Variants in LVRN observed in about 807,000 individuals in gnomAD.
LVRN encodes the protein laeverin.
Under a neutral mutation model 111.4 loss-of-function variants are expected in LVRN, and 99 were observed. The observed-to-expected ratio is 0.89, with a 90% CI of 0.76 to 1.05. The LOEUF is 1.05. Among genes scored for constraint, LVRN ranks in the 50% least tolerant of loss-of-function variants. The probability of loss-of-function intolerance (pLI) is 0.00; values close to 1 mark genes in which losing one functional copy is unlikely to be tolerated. For synonymous variants in LVRN, 488 were observed against 449.5 expected, an observed-to-expected ratio of 1.09 and a Z score of -1.08; for missense variants, 1,414 against 1,206.8, an observed-to-expected ratio of 1.17 and a Z score of -2.54.
chr5:115,983,892 G>A (rs1747779352), intron 2 of LVRN, among the ~76,000 whole-genome samples: 1 of 152,178 alleles, frequency 6.6e-6, no homozygotes, highest in Non-Finnish European at 1.5e-5. Flanking sequence ...TTACGTGGCA[G>A]TGATCAGTGA....
At chr5:115,984,019 G>T (rs1379355590) in intron 2 of LVRN, among the ~76,000 whole-genome samples, 1 of 152,158 alleles carries the variant, frequency 6.6e-6, no homozygotes, top group Non-Finnish European at 1.5e-5. Flanking sequence ...CCAGCAGGAG[G>T]TTGGCTGCCT....
intron 18 of LVRN, chr5:116,021,580 T>C (rs745539346): frequency 3.2e-6 from 1 of 311,276 alleles, no homozygotes; most frequent in Non-Finnish European, 6.2e-6. Context: ...GAGTTAACTC[T>C]TATCATTTTT....
Position 116,022,387 on chromosome 5 carries a change from G to A in LVRN, c.2757-4G>A. The A allele has an allele frequency of 1.3e-6, 2 of 1,571,530 alleles. No individual in the cohort carries two copies. Among genetic ancestry groups the A allele is most frequent in the Non-Finnish European group, 8.7e-7 (1 of 1,147,536 alleles). Reference sequence around the variant, plus strand: ...CCCTTGATTAACATCTTATTGCCTTGTAGGTATGGAACACAATCATTGATT... The same window carrying A: ...CCCTTGATTAACATCTTATTGCCTTATAGGTATGGAACACAATCATTGATT... On this transcript the variant is annotated splice_region_variant and splice_polypyrimidine_tract_variant and intron_variant, in intron 18 of 19. Transcript: ENST00000357872.
chr5:116,009,191 G>C (rs1748437700), intron 13 of LVRN, among the ~76,000 whole-genome samples: 1 of 152,086 alleles, frequency 6.6e-6, no homozygotes, highest in Non-Finnish European at 1.5e-5. Context: ...AACAAAGCCT[G>C]GATGACAGCA....
chr5:115,975,019 G>C, intron 1 of LVRN: 3 of 345,076 alleles, frequency 8.7e-6, no homozygotes, highest in South Asian at 7.6e-5. Context: ...GAAAACTTTG[G>C]ATATAAATTC....
At chr5:116,015,015 A>G (rs1464998355) in intron 16 of LVRN, among the ~76,000 whole-genome samples, 1 of 152,104 alleles carries the variant, frequency 6.6e-6, no homozygotes, top group Non-Finnish European at 1.5e-5. Flanking sequence ...TATTATCAAT[A>G]TACTCTATAC....
At chr5:115,972,384 A>C (rs1753346260) in intron 1 of LVRN, among the ~76,000 whole-genome samples, 1 of 151,402 alleles carries the variant, frequency 6.6e-6, no homozygotes, top group African/African-American at 2.4e-5. Context: ...ATTTTTAGAA[A>C]TTCCAATTTC....
chr5:115,977,043 A>G (rs1753463721), intron 1 of LVRN, among the ~76,000 whole-genome samples: 1 of 151,970 alleles, frequency 6.6e-6, no homozygotes, highest in Non-Finnish European at 1.5e-5. Context: ...AATTCCAACA[A>G]CTCCAAACAG....
At chr5:116,011,509 G>A (rs1020188158) in intron 14 of LVRN, among the ~76,000 whole-genome samples, 8 of 152,046 alleles carry the variant, frequency 5.3e-5, no homozygotes, top group South Asian at 2.1e-4. Context: ...AAATCAAAGC[G>A]AAAGTTAGGT....
intron 6 of LVRN, among the ~76,000 whole-genome samples, chr5:115,994,167 T>G (rs979302642): frequency 4.6e-5 from 7 of 152,160 alleles, no homozygotes; most frequent in Non-Finnish European, 8.8e-5. Flanking sequence ...CATTAGATCT[T>G]TTTAAAAAAG....
Position 115,984,538 on chromosome 5 carries a change from G to A in LVRN, c.839-32G>A, listed in dbSNP as rs1424392248. 1.9e-6 allele frequency: 3 copies of A among 1,609,298 alleles called. No homozygotes were observed. The African/African-American group carries it at 4.0e-5, about 22-fold the overall frequency. ...CAAAGACATGTAATTGCTTAGATTT[G>A]CTGTGATTTGAACTAAAATAAAATT... On this transcript the variant is annotated intron_variant, in intron 2 of 19. Transcript: ENST00000357872.
intron 1 of LVRN, chr5:115,974,895 C>A: frequency 4.4e-6 from 2 of 459,580 alleles, no homozygotes; most frequent in South Asian, 1.8e-5. Context: ...TCTGTATCAC[C>A]ATGCAGAGAC....
intron 1 of LVRN, among the ~76,000 whole-genome samples, chr5:115,977,944 A>G (rs1027429683): frequency 3.9e-5 from 6 of 152,266 alleles, no homozygotes; most frequent in African/African-American, 7.2e-5. Flanking sequence ...AAATGAAAAT[A>G]GAAAGATCAA....
chr5:115,963,224 G>A lies in LVRN; in HGVS notation c.607G>A (p.Glu203Lys), dbSNP rs754071247. The A allele has an allele frequency of 3.1e-6, 5 of 1,612,850 alleles. No homozygotes were observed. The highest frequency in any genetic ancestry group is 1.1e-5 in the South Asian group (1 of 90,902). Residue 203 changes from glutamate (E) to lysine (K), a missense_variant, in exon 1 of 20, where the codon GAG (glutamate) becomes AAG (lysine). Transcript: ENST00000357872. ...SEPLKPGSSY[E>K]LQLSFSGLVK... is the part of the protein sequence containing the mutation. The stretch of plus-strand genomic sequence containing the variant: ...GCCCCTGAAACCTGGTAGCAGCTAC[G>A]AGCTGCAGCTTAGCTTCTCGGGCCT...
At chr5:116,009,774 G>T (rs1748448183) in intron 13 of LVRN, among the ~76,000 whole-genome samples, 2 of 152,178 alleles carry the variant, frequency 1.3e-5, no homozygotes, top group African/African-American at 4.8e-5. Context: ...ATGAGAAGTT[G>T]CTTCTTATGG....
Position 115,965,394 on chromosome 5 carries a change from T to C in LVRN, c.695+2082T>C, listed in dbSNP as rs554778636. Among the ~76,000 whole-genome samples, 7 of 152,380 alleles carry C rather than the reference T, an allele frequency of 4.6e-5. No homozygotes were observed. The East Asian group carries it at 1.3e-3, about 29-fold the overall frequency. The stretch of plus-strand genomic sequence containing the variant: ...ACAATGTGAATGTTCTTAACACTAC[T>C]GAACTATTATACACTTAAAAATGGT... On this transcript the variant is annotated intron_variant, in intron 1 of 19. Transcript: ENST00000357872.
chr5:116,020,527 CAT>C (rs1348558973), intron 18 of LVRN, among the ~76,000 whole-genome samples: 1 of 152,190 alleles, frequency 6.6e-6, no homozygotes, highest in African/African-American at 2.4e-5. Flanking sequence ...TTTTTCTCCA[CAT>C]GTTATTATAT....
Position 116,026,498 on chromosome 5 carries a change from G to C in LVRN, c.*380G>C. ...ACATTCTTTGCTGAGGGAAATAACA[G>C]TTTTTCCAGGCCCTAGGGTTTATTT... On this transcript the variant is annotated 3_prime_UTR_variant, in exon 20 of 20. Coordinates refer to ENST00000357872, the MANE Select transcript of LVRN (RefSeq NM_173800.5). 3.6e-6 allele frequency: 1 copy of C among 279,422 alleles called. No homozygotes were observed. 17.3% of individuals were successfully genotyped at this position (279,422 alleles called of 1,614,324 possible).
chr5:116,000,990 G>C, intron 9 of LVRN, 77 bp from the exon 10 acceptor site: 2 of 1,479,510 alleles, frequency 1.4e-6, no homozygotes, highest in South Asian at 1.4e-5. Context: ...TAGCTACCGA[G>C]TTTCTTTTTG....
Sources: allele counts gnomAD v4.1 joint callset (sites outside exome capture counted in the v4.1 genomes callset), GRCh38; gene constraint gnomAD v4.1.1; transcripts MANE v1.5; gene names NCBI Gene and HGNC (gene_info 2026-07-23, HGNC 2026-07-21).